DNAH3: variants seen among roughly 807,000 people sequenced by gnomAD.
DNAH3 encodes dynein axonemal heavy chain 3, also known as axonemal beta dynein heavy chain 3.
In DNAH3, 332 loss-of-function variants were observed where a neutral mutation model predicts 432.5. That is an observed-to-expected ratio of 0.77 (90% CI 0.70 to 0.84). The LOEUF (loss-of-function observed/expected upper bound fraction) is 0.84. Ranked by LOEUF, DNAH3 falls within the 40% of genes least tolerant of loss-of-function variation. DNAH3 has a pLI of 0.00. For missense variants in DNAH3, 4,861 were observed against 5,114.0 expected (o/e 0.95, Z 1.51); for synonymous variants, 1,956 against 1,900.2 (o/e 1.03, Z -0.76).
intron 26 of DNAH3, among the ~76,000 whole-genome samples, 171 bp from the exon 27 acceptor site, chr16:21,058,367 C>T (rs2090210385): frequency 1.3e-5 from 2 of 152,176 alleles, no homozygotes; most frequent in Admixed American, 1.3e-4. Context: ...GTCTTCCTTT[C>T]TGAGTTTTAT....
chr16:21,112,515 T>G (rs11864430), intron 12 of DNAH3, among the ~76,000 whole-genome samples: 5,499 of 152,054 alleles, frequency 0.036, 336 homozygotes, highest in African/African-American at 0.12. Context: ...GAAGCAAAAG[T>G]GGAAACCCCT....
intron 48 of DNAH3, among the ~76,000 whole-genome samples, chr16:20,984,223 G>A (rs59849497): frequency 0.16 from 25,019 of 151,632 alleles, 2,297 homozygotes; most frequent in African/African-American, 0.24. Flanking sequence ...GTGTGTGTGT[G>A]TATGCATGCA....
chr16:21,109,308 C>A (rs1331270862), intron 14 of DNAH3, among the ~76,000 whole-genome samples: 1 of 152,042 alleles, frequency 6.6e-6, no homozygotes, highest in Non-Finnish European at 1.5e-5. Context: ...CACTGCCTAA[C>A]CTGTCAGAGT....
chr16:20,983,421 T>C (rs1182836591), intron 48 of DNAH3, among the ~76,000 whole-genome samples: 2 of 152,022 alleles, frequency 1.3e-5, no homozygotes, highest in Non-Finnish European at 2.9e-5. Flanking sequence ...CCACCATGCC[T>C]GAGTCTATTA....
intron 41 of DNAH3, among the ~76,000 whole-genome samples, chr16:21,011,512 A>G (rs1274967348): frequency 6.6e-6 from 1 of 152,014 alleles, no homozygotes; most frequent in Non-Finnish European, 1.5e-5. Context: ...GTGTGCCATC[A>G]TGGCTGGCTA....
At chr16:21,008,604 A>T (rs1213157876) in intron 41 of DNAH3, among the ~76,000 whole-genome samples, 1 of 152,170 alleles carries the variant, frequency 6.6e-6, no homozygotes, top group African/African-American at 2.4e-5. Flanking sequence ...AAGGTCCTCC[A>T]GCATCACACA....
At chr16:21,130,397 G>C (rs991566445) in intron 7 of DNAH3, among the ~76,000 whole-genome samples, 1 of 150,874 alleles carries the variant, frequency 6.6e-6, no homozygotes, top group Non-Finnish European at 1.5e-5. Context: ...CTCAGCTTCT[G>C]AGGTTCAAGC....
At chr16:21,039,369 C>A (rs1041306423) in intron 33 of DNAH3, among the ~76,000 whole-genome samples, 1 of 151,970 alleles carries the variant, frequency 6.6e-6, no homozygotes, top group African/African-American at 2.4e-5. Flanking sequence ...CAGGTGCACG[C>A]CACCAAGCCC....
At chr16:21,157,339 T>C (rs946684763) in intron 1 of DNAH3, among the ~76,000 whole-genome samples, 3 of 41,736 alleles carry the variant, frequency 7.2e-5, no homozygotes, top group Non-Finnish European at 8.4e-5. Flanking sequence ...ATTGCTTCTT[T>C]TTTTTTTTTT....
intron 7 of DNAH3, 51 bp downstream of exon 8, chr16:21,134,208 C>A: frequency 2.6e-6 from 4 of 1,555,308 alleles, no homozygotes; most frequent in Non-Finnish European, 2.6e-6. Context: ...CTTGCTTACA[C>A]GTGGATGTGG....
chr16:21,135,372 G>A (rs959636971), intron 6 of DNAH3, among the ~76,000 whole-genome samples: 1 of 152,238 alleles, frequency 6.6e-6, no homozygotes, highest in Non-Finnish European at 1.5e-5. Context: ...CTTCATAGAG[G>A]ATGTAACATT....
intron 44 of DNAH3, 50 bp downstream of exon 44, chr16:20,997,233 G>A: frequency 6.3e-7 from 1 of 1,586,704 alleles, no homozygotes; most frequent in Non-Finnish European, 8.6e-7. Flanking sequence ...AGGTGGCCCA[G>A]CTCTGCTGGG....
In DNAH3 at chr16:21,131,456, A is replaced by AAAGG. The variant is rs146170477; in HGVS notation, c.1082+2799_1082+2802dup. 2.3e-3 allele frequency among the ~76,000 whole-genome samples: 283 copies of AAAGG among 122,694 alleles called. 1 individual carries two copies. Among genetic ancestry groups the AAAGG allele is most frequent in the African/African-American group, 7.7e-3 (236 of 30,786 alleles). 80.5% of individuals were successfully genotyped at this position (122,694 alleles called of 152,430 possible). A position where few individuals can be genotyped will look rare whatever the true frequency, so the allele number is the denominator to read the frequency against. On this transcript the variant is annotated intron_variant, in intron 7 of 61. Coordinates refer to ENST00000261383, the Ensembl canonical transcript of DNAH3. Reference sequence around the variant, plus strand: ...GAAAGGAAGAAAGAAAGAAGGAAAGAAAGGAAGGAAGGAAGGAAGGAAGAA... The same window carrying AAAGG: ...GAAAGGAAGAAAGAAAGAAGGAAAGAAAGGAAGGAAGGAAGGAAGGAAGGAAGAA...
At chr16:21,087,554 T>C (rs1489292339) in intron 18 of DNAH3, among the ~76,000 whole-genome samples, 3 of 151,982 alleles carry the variant, frequency 2.0e-5, no homozygotes, top group Non-Finnish European at 4.4e-5. Flanking sequence ...AAGAAAAAAA[T>C]TGTTATTATT....
At chr16:21,035,220 G>T (rs374824367) in intron 35 of DNAH3, among the ~76,000 whole-genome samples, 1 of 152,162 alleles carries the variant, frequency 6.6e-6, no homozygotes, top group Non-Finnish European at 1.5e-5. Flanking sequence ...CCAGCTACTC[G>T]AGAGGCTGAG....
intron 25 of DNAH3, among the ~76,000 whole-genome samples, chr16:21,060,560 C>T (rs1298912644): frequency 8.1e-6 from 1 of 122,924 alleles, no homozygotes; most frequent in Non-Finnish European, 1.6e-5. Flanking sequence ...GAGTCTCGCT[C>T]TGTCACCAGG....
rs2092614911 is a variant in DNAH3 at position 21,134,480 on chromosome 16, C to T, written c.887-26G>A. On this transcript the variant is annotated intron_variant, in intron 6 of 61. Transcript: ENST00000261383. ...CTACAACCGGAAAGGGCGAACACCT[C>T]ATTATTAAGCTCTAAGGGTTGTGCT... is the stretch of plus-strand genomic sequence containing the variant. 3 of 1,599,742 alleles carry T rather than the reference C, an allele frequency of 1.9e-6. No homozygotes were observed. The African/African-American group carries it at 4.0e-5, about 21-fold the overall frequency.
chr16:20,952,235 G>C (rs1385955128), intron 56 of DNAH3, among the ~76,000 whole-genome samples, 198 bp downstream of exon 56: 2 of 152,026 alleles, frequency 1.3e-5, no homozygotes, highest in Non-Finnish European at 1.5e-5. Flanking sequence ...GTCACTCAAG[G>C]GTAAAGATTC....
At chr16:21,128,284 A>G (rs2092481556) in intron 7 of DNAH3, among the ~76,000 whole-genome samples, 2 of 152,132 alleles carry the variant, frequency 1.3e-5, no homozygotes, top group South Asian at 4.2e-4. Flanking sequence ...TTTAAAACAA[A>G]GAGTTTATGG....
Sources: allele counts gnomAD v4.1 joint callset (sites outside exome capture counted in the v4.1 genomes callset), GRCh38; gene constraint gnomAD v4.1.1; transcripts MANE v1.5; gene names NCBI Gene and HGNC (gene_info 2026-07-23, HGNC 2026-07-21).